STK3: variants seen among roughly 807,000 people sequenced by gnomAD.
STK3 encodes the protein serine/threonine-protein kinase 3.
STK3 carries 41 observed loss-of-function variants against 58.0 expected under a neutral mutation model. The ratio of observed to expected loss-of-function variants is 0.71; its 90% CI spans 0.55 to 0.92. The LOEUF (loss-of-function observed/expected upper bound fraction) is 0.92, where lower values mean the gene tolerates loss of function less well. Ranked by LOEUF, STK3 falls within the 40% of genes least tolerant of loss-of-function variation. STK3 has a pLI of 0.00. For missense variants in STK3, 479 were observed against 602.7 expected (o/e 0.79, Z 2.15); for synonymous variants, 170 against 191.0 (o/e 0.89, Z 0.91).
intron 1 of STK3, among the ~76,000 whole-genome samples, chr8:98,441,841 C>G (rs1188979628): frequency 6.6e-6 from 1 of 152,178 alleles, no homozygotes; most frequent in Non-Finnish European, 1.5e-5. Context: ...TCACTTGGCA[C>G]AGCTCCCGTG....
intron 6 of STK3, among the ~76,000 whole-genome samples, chr8:98,644,048 A>G (rs1342035468): frequency 6.6e-6 from 1 of 152,166 alleles, no homozygotes; most frequent in Non-Finnish European, 1.5e-5. Flanking sequence ...TAATAATAAT[A>G]CTAAATGAAC....
At chr8:98,733,725 A>G (rs1241529493) in intron 4 of STK3, among the ~76,000 whole-genome samples, 1 of 152,016 alleles carries the variant, frequency 6.6e-6, no homozygotes. Context: ...TTACATACCT[A>G]TTACCTCATC....
In STK3 at chr8:98,428,500, G is replaced by C. The variant is rs1280450341; in HGVS notation, n.483+5627C>G. The C allele has an allele frequency of 6.2e-7, 1 of 1,614,004 alleles. No homozygotes were observed. The highest frequency in any genetic ancestry group is 8.5e-7 in the Non-Finnish European group (1 of 1,180,046). On this transcript the variant is annotated intron_variant and non_coding_transcript_variant, in intron 3 of 3. Transcript: ENST00000517832. The surrounding 1 kb of genome is among the most constrained non-coding windows in gnomAD (Gnocchi z 6.7). ...CTCGGCAACTTCCGCAGGCAGCTGT[G>C]GCTGGCGCTGGACAACCCCGGCTAC...
downstream of STK3, chr8:98,881,452 T>A (rs1837790834): frequency 6.6e-6 from 1 of 152,220 alleles, no homozygotes; most frequent in South Asian, 2.1e-4. Flanking sequence ...GGTGGGTATA[T>A]GTCATTAGAC....
Position 98,533,472 on chromosome 8 carries a change from G to A in STK3, c.1142-6555C>T, listed in dbSNP as rs11994002. Among the ~76,000 whole-genome samples the A allele has an allele frequency of 2.7e-3, 411 of 152,152 alleles. 2 individuals carry two copies. Among genetic ancestry groups the A allele is most frequent in the African/African-American group, 9.4e-3 (389 of 41,520 alleles). ...ATGTTGTATGTATGTATGTATGGAT[G>A]GATGGGTGGGTGGACTGACTGATTT... On this transcript the variant is annotated intron_variant, in intron 9 of 10. Coordinates refer to ENST00000419617, the MANE Select transcript of STK3 (RefSeq NM_006281.4).
At chr8:98,758,704 T>C (rs1178844739) in intron 3 of STK3, among the ~76,000 whole-genome samples, 1 of 152,246 alleles carries the variant, frequency 6.6e-6, no homozygotes. Flanking sequence ...GGCATCTCCT[T>C]CCAGTAGAAG....
chr8:98,620,494 A>G (rs188765035), intron 6 of STK3, among the ~76,000 whole-genome samples: 67 of 149,546 alleles, frequency 4.5e-4, no homozygotes, highest in Admixed American at 2.9e-3. Context: ...AAATAAATAA[A>G]TAAATAAAAA....
intron 3 of STK3, among the ~76,000 whole-genome samples, chr8:98,870,306 C>G (rs1333632509): frequency 6.6e-6 from 1 of 152,130 alleles, no homozygotes; most frequent in Non-Finnish European, 1.5e-5. Context: ...TAAACATATG[C>G]GTGCATGTGT....
chr8:98,476,839 C>T (rs2131255077), intron 10 of STK3, among the ~76,000 whole-genome samples: 1 of 152,268 alleles, frequency 6.6e-6, no homozygotes, highest in East Asian at 1.9e-4. Flanking sequence ...CCACTACAAC[C>T]ATGCAAGGCT....
At chr8:98,649,073 A>C (rs994010109) in intron 6 of STK3, among the ~76,000 whole-genome samples, 87 of 151,688 alleles carry the variant, frequency 5.7e-4, no homozygotes, top group African/African-American at 2.1e-3. Flanking sequence ...AAAAAAAAAA[A>C]CTCAATGTTA....
At chr8:98,622,704 T>C (rs996600077) in intron 6 of STK3, among the ~76,000 whole-genome samples, 16 of 152,198 alleles carry the variant, frequency 1.1e-4, no homozygotes, top group East Asian at 1.9e-4. Context: ...AAGACGGAAA[T>C]TATGTGTTCG....
At position 98,428,437 on chromosome 8, in the gene STK3, C is replaced by CCTT. The variant is rs775782180; in HGVS notation, n.483+5687_483+5689dup. 6 of 1,614,142 alleles carry CCTT rather than the reference C, an allele frequency of 3.7e-6. No homozygotes were observed. The highest frequency in any genetic ancestry group is 5.1e-6 in the Non-Finnish European group (6 of 1,180,036). On this transcript the variant is annotated intron_variant and non_coding_transcript_variant, in intron 3 of 3. Coordinates refer to the STK3 transcript ENST00000517832. The surrounding 1 kb of genome is among the most constrained non-coding windows in gnomAD (Gnocchi z 6.7). ...ACGTCTTCCTTCGATGAGATCCTTGCCTTCTACAACGACGCCTCCAAGTTC... is the reference window on the plus strand; with the variant it reads ...ACGTCTTCCTTCGATGAGATCCTTGCCTTCTTCTACAACGACGCCTCCAAGTTC...
At chr8:98,514,666 C>A (rs1824792620) in intron 10 of STK3, among the ~76,000 whole-genome samples, 1 of 152,032 alleles carries the variant, frequency 6.6e-6, no homozygotes, top group African/African-American at 2.4e-5. Context: ...GCTCACTGTT[C>A]CTGCCCCACT....
intron 1 of STK3, among the ~76,000 whole-genome samples, chr8:98,892,282 C>T (rs575171679): frequency 7.9e-5 from 12 of 152,306 alleles, no homozygotes; most frequent in Admixed American, 7.2e-4. Flanking sequence ...TAGTTCAGGT[C>T]ACCATCGACT....
chr8:98,545,015 G>A (rs1443311175), intron 9 of STK3, among the ~76,000 whole-genome samples: 1 of 151,864 alleles, frequency 6.6e-6, no homozygotes, highest in African/African-American at 2.4e-5. Context: ...AAACTAAAAA[G>A]CCCCAGTCTT....
chr8:98,541,736 T>G (rs142712768), intron 9 of STK3, among the ~76,000 whole-genome samples: 1 of 152,204 alleles, frequency 6.6e-6, no homozygotes, highest in Non-Finnish European at 1.5e-5. Context: ...ATGAAAGACC[T>G]TGTCAAATAC....
intron 6 of STK3, among the ~76,000 whole-genome samples, chr8:98,645,516 G>A (rs963554121): frequency 1.3e-5 from 2 of 152,130 alleles, no homozygotes; most frequent in African/African-American, 2.4e-5. Flanking sequence ...GCTAAACACT[G>A]TATTATATAT....
At chr8:98,364,245 C>G in the STK3 span, among the ~76,000 whole-genome samples, 1 of 152,330 alleles carries the variant, frequency 6.6e-6, no homozygotes, top group South Asian at 2.1e-4. Flanking sequence ...CAGCGCCTCT[C>G]ACTCCCACTC....
intron 7 of STK3, among the ~76,000 whole-genome samples, chr8:98,591,946 G>T (rs1032286549): frequency 6.6e-5 from 10 of 152,114 alleles, no homozygotes; most frequent in Admixed American, 4.6e-4. Context: ...TCTCACTTCT[G>T]TTAATACATA....
Sources: allele counts gnomAD v4.1 joint callset (sites outside exome capture counted in the v4.1 genomes callset), GRCh38; gene constraint gnomAD v4.1.1; non-coding constraint Gnocchi (gnomAD v3.1); transcripts MANE v1.5; gene names NCBI Gene and HGNC (gene_info 2026-07-23, HGNC 2026-07-21).